The following UNC13C variants were observed in gnomAD, a reference collection of about 807,000 sequenced individuals.
UNC13C encodes the protein unc-13 homolog C.
A neutral mutation model predicts 245.4 loss-of-function variants in UNC13C; 174 were observed. The observed-to-expected ratio is 0.71, with a 90% CI of 0.63 to 0.80. The LOEUF (loss-of-function observed/expected upper bound fraction) is 0.80, where lower values mean the gene tolerates loss of function less well. Ranked by LOEUF, UNC13C falls within the 30% of genes least tolerant of loss-of-function variation. UNC13C has a pLI of 0.00. For synonymous variants in UNC13C, 992 were observed against 895.1 expected (o/e 1.11, Z -1.93); for missense variants, 2,829 against 2,602.9 (o/e 1.09, Z -1.89).
intron 29 of UNC13C, among the ~76,000 whole-genome samples, chr15:54,565,834 C>T (rs982340546): frequency 9.9e-5 from 15 of 151,940 alleles, no homozygotes; most frequent in African/African-American, 3.1e-4. Context: ...GTGAAAATAA[C>T]GCAAATGTGT....
At chr15:54,557,357 G>A (rs568049640) in intron 29 of UNC13C, among the ~76,000 whole-genome samples, 13 of 151,906 alleles carry the variant, frequency 8.6e-5, no homozygotes, top group African/African-American at 2.9e-4. Flanking sequence ...CCTGTGCCCT[G>A]CCCATCTGCC....
intron 2 of UNC13C, among the ~76,000 whole-genome samples, chr15:54,032,132 G>A (rs1157688040): frequency 6.6e-6 from 1 of 152,204 alleles, no homozygotes. Flanking sequence ...AGGGTCAGAT[G>A]ACTGCTTTGT....
intron 8 of UNC13C, among the ~76,000 whole-genome samples, chr15:54,260,987 A>C (rs921106494): frequency 2.0e-5 from 3 of 152,154 alleles, no homozygotes; most frequent in African/African-American, 7.2e-5. Context: ...ATTACGTAGA[A>C]GAGAACCAGT....
At chr15:54,447,593 G>T (rs544242320) in intron 19 of UNC13C, among the ~76,000 whole-genome samples, 1 of 152,298 alleles carries the variant, frequency 6.6e-6, no homozygotes, top group South Asian at 2.1e-4. Flanking sequence ...ATGGTAGTTT[G>T]TATTTCTGTG....
At chr15:54,079,210 A>G (rs1019373248) in intron 2 of UNC13C, among the ~76,000 whole-genome samples, 7 of 152,016 alleles carry the variant, frequency 4.6e-5, no homozygotes, top group Non-Finnish European at 8.8e-5. Flanking sequence ...TTTGGTTACC[A>G]TAGCTTTGTA....
intron 2 of UNC13C, among the ~76,000 whole-genome samples, chr15:54,071,094 T>G (rs1307625318): frequency 3.3e-5 from 5 of 152,164 alleles, no homozygotes; most frequent in Non-Finnish European, 7.4e-5. Flanking sequence ...ATTAATATTT[T>G]TAACGTGAAA....
chr15:54,506,121 T>C (rs1473512842), intron 22 of UNC13C, among the ~76,000 whole-genome samples: 4 of 152,162 alleles, frequency 2.6e-5, no homozygotes, highest in Admixed American at 2.0e-4. Flanking sequence ...AAATCTCACA[T>C]GGCAGTAAGT....
At chr15:54,235,203 A>C in intron 5 of UNC13C, 95 bp downstream of exon 5, 2 of 1,021,182 alleles carry the variant, frequency 2.0e-6, no homozygotes, top group South Asian at 2.9e-5. Context: ...TAGCCTGTAA[A>C]TATTCCATGG....
At chr15:54,009,608 G>A (rs1476570924) in intron 1 of UNC13C, among the ~76,000 whole-genome samples, 4 of 150,760 alleles carry the variant, frequency 2.7e-5, no homozygotes, top group East Asian at 1.9e-4. Flanking sequence ...GTGCAGTGGC[G>A]TGATCTCGGC....
At chr15:53,879,083 A>T in the UNC13C span, among the ~76,000 whole-genome samples, 2 of 152,186 alleles carry the variant, frequency 1.3e-5, no homozygotes, top group Non-Finnish European at 2.9e-5. Context: ...AAAATAGTAC[A>T]TAAAAAAATT....
chr15:53,962,988 A>T, the UNC13C span, among the ~76,000 whole-genome samples: 1 of 152,188 alleles, frequency 6.6e-6, no homozygotes, highest in Non-Finnish European at 1.5e-5. Flanking sequence ...AATAGAGAAT[A>T]TTTATGTAGC....
chr15:54,131,249 C>T (rs931124024), intron 2 of UNC13C, among the ~76,000 whole-genome samples: 1 of 152,134 alleles, frequency 6.6e-6, no homozygotes, highest in African/African-American at 2.4e-5. Flanking sequence ...TCTTATTTTG[C>T]TTTATTGCCT....
chr15:53,844,186 A>G, the UNC13C span, among the ~76,000 whole-genome samples: 1 of 152,212 alleles, frequency 6.6e-6, no homozygotes, highest in Non-Finnish European at 1.5e-5. Context: ...GTCACTGTAG[A>G]TAAGCATGTT....
At chr15:54,279,744 A>C (rs2036927255) in intron 10 of UNC13C, among the ~76,000 whole-genome samples, 1 of 152,094 alleles carries the variant, frequency 6.6e-6, no homozygotes, top group African/African-American at 2.4e-5. Context: ...AGAAATATTT[A>C]TTATCTCCCT....
At chr15:54,195,704 T>A (rs558214581) in intron 4 of UNC13C, among the ~76,000 whole-genome samples, 7 of 152,296 alleles carry the variant, frequency 4.6e-5, no homozygotes, top group African/African-American at 1.7e-4. Flanking sequence ...TTATTTGTAC[T>A]TTCTCTTCAG....
intron 13 of UNC13C, among the ~76,000 whole-genome samples, chr15:54,314,930 T>A (rs1015303079): frequency 1.3e-5 from 2 of 150,752 alleles, no homozygotes; most frequent in African/African-American, 4.9e-5. Flanking sequence ...ATTTGGATTA[T>A]CTCCAGGTAC....
At chr15:54,329,598 T>C (rs1210871738) in intron 14 of UNC13C, among the ~76,000 whole-genome samples, 1 of 152,050 alleles carries the variant, frequency 6.6e-6, no homozygotes, top group Non-Finnish European at 1.5e-5. Flanking sequence ...TGCTCTGCTC[T>C]GCAAAGGGAA....
At chr15:54,124,814 TAA>T (rs2030927482) in intron 2 of UNC13C, among the ~76,000 whole-genome samples, 2 of 58,546 alleles carry the variant, frequency 3.4e-5, no homozygotes, top group Non-Finnish European at 7.2e-5. Flanking sequence ...GAAGTTTAGG[TAA>T]AGTTTCCTCT....
Position 54,132,074 on chromosome 15 carries a change from C to CTTTTTTTTTTTTTTTTTTT in UNC13C, c.2984-10932_2984-10931insTTTTTTTTTTTTTTTTTTT, listed in dbSNP as rs1555420957. 2.7e-5 allele frequency among the ~76,000 whole-genome samples: 3 copies of CTTTTTTTTTTTTTTTTTTT among 110,644 alleles called. 1 individual carries two copies. Among genetic ancestry groups the CTTTTTTTTTTTTTTTTTTT allele is most frequent in the African/African-American group, 9.7e-5 (3 of 31,016 alleles). 72.6% of individuals were successfully genotyped at this position (110,644 alleles called of 152,430 possible). A position where few individuals can be genotyped will look rare whatever the true frequency, so the allele number is the denominator to read the frequency against. On this transcript the variant is annotated intron_variant, in intron 2 of 32. Coordinates refer to ENST00000260323, the MANE Select transcript of UNC13C (RefSeq NM_001080534.3). ...ATTGCAATTCAGTTTTTTTCTTTTTCTTTTTTTTTTTTGACAGCGTCTTGC... is the reference window on the plus strand; with the variant it reads ...ATTGCAATTCAGTTTTTTTCTTTTTCTTTTTTTTTTTTTTTTTTTTTTTTTTTTTTTGACAGCGTCTTGC...
Sources: gnomAD v4.1 joint callset for allele counts (sites outside exome capture counted in the v4.1 genomes callset) on GRCh38, gnomAD v4.1.1 for gene constraint, MANE v1.5 for transcripts, NCBI Gene and HGNC (gene_info 2026-07-23, HGNC 2026-07-21) for gene names.